Variants in NPAS3 observed in about 807,000 individuals in gnomAD.
The protein encoded by NPAS3 is neuronal PAS domain-containing protein 3.
NPAS3 carries 14 observed loss-of-function variants against 73.1 expected under a neutral mutation model. The observed-to-expected ratio is 0.19, with a 90% CI of 0.13 to 0.30. NPAS3 has a LOEUF of 0.30. NPAS3 is among the 10% of genes least tolerant of loss of function. NPAS3 has a pLI of 1.00. For synonymous variants in NPAS3, 620 were observed against 541.5 expected, an observed-to-expected ratio of 1.14 and a Z score of -2.01; for missense variants, 1,096 against 1,250.0, an observed-to-expected ratio of 0.88 and a Z score of 1.86.
rs548862457 is a variant in NPAS3, at chr14:33,523,152, G to A, written c.469-36969G>A. Reference sequence around the variant, plus strand: ...CAAATACAACAAAAAGTAAGTTAAGGCAAACTAAAGTACATTGGGATAGGT... The same window carrying A: ...CAAATACAACAAAAAGTAAGTTAAGACAAACTAAAGTACATTGGGATAGGT... On this transcript the variant is annotated intron_variant, in intron 4 of 11. Coordinates refer to ENST00000356141, the Ensembl canonical transcript of NPAS3. 5.3e-5 allele frequency among the ~76,000 whole-genome samples: 8 copies of A among 152,164 alleles called. No individual in the cohort carries two copies. The South Asian group carries it at 1.7e-3, about 32-fold the overall frequency.
At chr14:33,413,402 T>A (rs1247639713) in intron 4 of NPAS3, among the ~76,000 whole-genome samples, 1 of 152,148 alleles carries the variant, frequency 6.6e-6, no homozygotes, top group East Asian at 1.9e-4. Context: ...CTATCAAGAC[T>A]GCTTTGCTTC....
At chr14:33,292,084 G>C (rs2042122338) in intron 3 of NPAS3, among the ~76,000 whole-genome samples, 1 of 152,118 alleles carries the variant, frequency 6.6e-6, no homozygotes. Context: ...AATATACATG[G>C]GCATTGAATA....
intron 2 of NPAS3, among the ~76,000 whole-genome samples, chr14:33,154,586 A>G (rs2044580740): frequency 6.6e-6 from 1 of 152,180 alleles, no homozygotes; most frequent in Admixed American, 6.5e-5. Context: ...TTACAGATTT[A>G]AAATCATTCA....
intron 2 of NPAS3, among the ~76,000 whole-genome samples, chr14:33,090,546 AT>A (rs2042189561): frequency 6.6e-6 from 1 of 152,122 alleles, no homozygotes; most frequent in South Asian, 2.1e-4. Flanking sequence ...CACAATAATA[AT>A]GGGAGACTTC....
chr14:33,292,859 A>G (rs751484298), intron 3 of NPAS3, among the ~76,000 whole-genome samples: 3 of 152,148 alleles, frequency 2.0e-5, no homozygotes, highest in African/African-American at 4.8e-5. Flanking sequence ...ATGCAAGACA[A>G]ATTCTTTCAG....
At chr14:33,471,298 C>T (rs2050770478) in intron 4 of NPAS3, among the ~76,000 whole-genome samples, 1 of 152,228 alleles carries the variant, frequency 6.6e-6, no homozygotes, top group Non-Finnish European at 1.5e-5. Context: ...CATGACCTTA[C>T]TCCTTATTCA....
chr14:33,369,407 A>G (rs892379879), intron 4 of NPAS3, among the ~76,000 whole-genome samples: 22 of 55,808 alleles, frequency 3.9e-4, no homozygotes, highest in African/African-American at 1.5e-3. Context: ...TCATTTCCAA[A>G]AAAAAAAAAA....
chr14:33,593,158 G>C (rs868751710), intron 5 of NPAS3, among the ~76,000 whole-genome samples: 7 of 152,030 alleles, frequency 4.6e-5, no homozygotes, highest in Non-Finnish European at 8.8e-5. Context: ...CTCTGTATCA[G>C]GCATGGTACT....
chr14:33,384,710 A>G (rs1445773986), intron 4 of NPAS3, among the ~76,000 whole-genome samples: 1 of 152,244 alleles, frequency 6.6e-6, no homozygotes, highest in East Asian at 1.9e-4. Flanking sequence ...AGCCTGGGCA[A>G]CAAGAGCAGA....
At chr14:33,596,582 C>A (rs2057249119) in intron 5 of NPAS3, among the ~76,000 whole-genome samples, 1 of 152,168 alleles carries the variant, frequency 6.6e-6, no homozygotes, top group African/African-American at 2.4e-5. Context: ...TAAAGAGACT[C>A]CTGCTTTAAC....
upstream of NPAS3, among the ~76,000 whole-genome samples, chr14:32,936,089 AAACTTC>A (rs1472993962): frequency 3.9e-5 from 6 of 152,236 alleles, no homozygotes; most frequent in African/African-American, 1.4e-4. Flanking sequence ...CTTGTATTTC[AAACTTC>A]ATTGATTTGA....
At chr14:33,165,278 A>G (rs1479304872) in intron 2 of NPAS3, among the ~76,000 whole-genome samples, 5 of 151,842 alleles carry the variant, frequency 3.3e-5, no homozygotes, top group Non-Finnish European at 5.9e-5. Context: ...GAGAAGGGTT[A>G]AAGTCTCTCT....
chr14:33,461,722 G>T (rs1319047370), intron 4 of NPAS3, among the ~76,000 whole-genome samples: 1 of 152,190 alleles, frequency 6.6e-6, no homozygotes, highest in Non-Finnish European at 1.5e-5. Context: ...CAATGATAAG[G>T]TTATGGATAT....
intron 2 of NPAS3, chr14:33,214,441 T>A (rs2047147329): frequency 6.6e-6 from 1 of 152,248 alleles, no homozygotes; most frequent in African/African-American, 2.4e-5. Context: ...TCTTTCAATA[T>A]TAAATTTATA....
At chr14:33,350,928 A>G (rs1003587863) in intron 3 of NPAS3, among the ~76,000 whole-genome samples, 1 of 152,152 alleles carries the variant, frequency 6.6e-6, no homozygotes, top group Non-Finnish European at 1.5e-5. Flanking sequence ...AGGATCTTCT[A>G]CGGTTTTAGT....
intron 6 of NPAS3, among the ~76,000 whole-genome samples, chr14:33,694,082 T>C (rs539099764): frequency 8.5e-5 from 13 of 152,288 alleles, no homozygotes; most frequent in Non-Finnish European, 1.5e-4. Context: ...TTTTTTAAGA[T>C]TAAATGTTGT....
intron 1 of NPAS3, among the ~76,000 whole-genome samples, chr14:33,049,623 G>C (rs933735054): frequency 6.6e-6 from 1 of 152,148 alleles, no homozygotes; most frequent in African/African-American, 2.4e-5. Flanking sequence ...CTCCCACTGG[G>C]TCCCTCCCAC....
chr14:33,184,458 G>C (rs1479782099), intron 2 of NPAS3, among the ~76,000 whole-genome samples: 1 of 152,098 alleles, frequency 6.6e-6, no homozygotes, highest in Non-Finnish European at 1.5e-5. Context: ...TGGAGCTTAT[G>C]GTAAAGGCAA....
intron 5 of NPAS3, among the ~76,000 whole-genome samples, chr14:33,635,063 G>A (rs1280963212): frequency 6.6e-6 from 1 of 152,204 alleles, no homozygotes; most frequent in Non-Finnish European, 1.5e-5. Flanking sequence ...CAGTTACACA[G>A]CTGGTGGAGA....
Sources: allele counts gnomAD v4.1 joint callset (sites outside exome capture counted in the v4.1 genomes callset), GRCh38; gene constraint gnomAD v4.1.1; transcripts MANE v1.5; gene names NCBI Gene and HGNC (gene_info 2026-07-23, HGNC 2026-07-21).